LPP: variants seen among roughly 807,000 people sequenced by gnomAD.
The protein encoded by LPP is LIM domain containing preferred translocation partner in lipoma, also known as lipoma-preferred partner.
In LPP, 38 loss-of-function variants were observed where a neutral mutation model predicts 60.4. That is an observed-to-expected ratio of 0.63 (90% CI 0.49 to 0.83). LPP has a LOEUF of 0.83. Ranked by LOEUF, LPP falls within the 40% of genes least tolerant of loss-of-function variation. The probability of loss-of-function intolerance (pLI) is 0.00; values close to 1 mark genes in which losing one functional copy is unlikely to be tolerated. For missense variants in LPP, 902 were observed against 783.6 expected (o/e 1.15, Z -1.80); for synonymous variants, 328 against 290.8 (o/e 1.13, Z -1.30).
chr3:188,806,531 C>T (rs550632173), intron 9 of LPP, among the ~76,000 whole-genome samples: 1 of 151,896 alleles, frequency 6.6e-6, no homozygotes, highest in African/African-American at 2.4e-5. Context: ...TGTGTTTACA[C>T]TATTTACATT....
At chr3:188,633,559 A>C (rs1233634125) in intron 7 of LPP, among the ~76,000 whole-genome samples, 1 of 152,168 alleles carries the variant, frequency 6.6e-6, no homozygotes, top group Non-Finnish European at 1.5e-5. Flanking sequence ...GAACACGCTC[A>C]TCTTTTCTTC....
chr3:188,349,863 GAATGAT>G (rs1185760642), intron 3 of LPP, among the ~76,000 whole-genome samples: 1 of 152,216 alleles, frequency 6.6e-6, no homozygotes, highest in African/African-American at 2.4e-5. Flanking sequence ...TGTAAAACTG[GAATGAT>G]AATACCAGTG....
At chr3:188,799,492 T>A (rs1310596806) in intron 9 of LPP, among the ~76,000 whole-genome samples, 1 of 152,224 alleles carries the variant, frequency 6.6e-6, no homozygotes, top group Non-Finnish European at 1.5e-5. Flanking sequence ...TCCTATGTCC[T>A]CCTTGCCCTG....
At chr3:188,419,165 A>G (rs541118508) in intron 4 of LPP, among the ~76,000 whole-genome samples, 5 of 152,302 alleles carry the variant, frequency 3.3e-5, no homozygotes, top group African/African-American at 9.6e-5. Context: ...ACTGTTTTAT[A>G]TCTTGACATC....
At chr3:188,164,626 C>T (rs1416466899) in intron 1 of LPP, among the ~76,000 whole-genome samples, 1 of 152,136 alleles carries the variant, frequency 6.6e-6, no homozygotes, top group Non-Finnish European at 1.5e-5. Context: ...TCTGCCCTGG[C>T]CAGGCAGGTA....
chr3:188,736,032 C>T (rs75997260), intron 8 of LPP, among the ~76,000 whole-genome samples: 3 of 152,056 alleles, frequency 2.0e-5, no homozygotes, highest in African/African-American at 7.2e-5. Flanking sequence ...TGTGGCTCAT[C>T]AAAAAAGTAG....
At chr3:188,716,147 G>T (rs1713901498) in intron 8 of LPP, among the ~76,000 whole-genome samples, 1 of 152,168 alleles carries the variant, frequency 6.6e-6, no homozygotes, top group African/African-American at 2.4e-5. Context: ...ATTGTTAGTA[G>T]GAGTTTTTGA....
rs993943082 is a variant in LPP, at chr3:188,880,203, T to C, written c.*5724T>C. The stretch of plus-strand genomic sequence containing the variant: ...CTGCCACCACGCCCGGCTAATTTTT[T>C]TGTATTTTTAGTAGAGATGGAGTTT... On this transcript the variant is annotated 3_prime_UTR_variant, in exon 12 of 12. Coordinates refer to ENST00000617246, the MANE Select transcript of LPP (RefSeq NM_001375462.1). 6.2e-6 allele frequency: 1 copy of C among 161,764 alleles called. No homozygotes were observed. The highest frequency in any genetic ancestry group is 2.4e-5 in the African/African-American group (1 of 41,702). 10.0% of individuals were successfully genotyped at this position (161,764 alleles called of 1,614,324 possible). A position where few individuals can be genotyped will look rare whatever the true frequency, so the allele number is the denominator to read the frequency against.
chr3:188,359,407 T>C (rs1768583872), intron 3 of LPP, among the ~76,000 whole-genome samples: 1 of 152,184 alleles, frequency 6.6e-6, no homozygotes. Context: ...ACAAGAACTC[T>C]AGCTGGCTGC....
At chr3:188,487,092 T>C (rs566779670) in intron 5 of LPP, among the ~76,000 whole-genome samples, 1 of 152,354 alleles carries the variant, frequency 6.6e-6, no homozygotes, top group South Asian at 2.1e-4. Context: ...TTATTTGAAG[T>C]AGTGACAGAA....
intron 6 of LPP, among the ~76,000 whole-genome samples, chr3:188,537,265 G>A (rs973599319): frequency 1.3e-5 from 2 of 151,838 alleles, no homozygotes; most frequent in Non-Finnish European, 2.9e-5. Context: ...AGTGCCTTCT[G>A]AAGGAAGAGT....
chr3:188,776,534 G>A (rs1014887303), intron 9 of LPP, among the ~76,000 whole-genome samples: 2 of 152,110 alleles, frequency 1.3e-5, no homozygotes, highest in Non-Finnish European at 2.9e-5. Context: ...GTATCAAATA[G>A]TCTTAGACTC....
intron 4 of LPP, among the ~76,000 whole-genome samples, chr3:188,479,724 G>A (rs1804228976): frequency 6.6e-6 from 1 of 152,130 alleles, no homozygotes. Flanking sequence ...CTGTATATGA[G>A]ACGCAAAAAG....
chr3:188,168,680 C>T (rs1315171665), intron 1 of LPP, among the ~76,000 whole-genome samples: 1 of 152,126 alleles, frequency 6.6e-6, no homozygotes, highest in African/African-American at 2.4e-5. Flanking sequence ...ATAAAATAGA[C>T]AATTTAGATT....
chr3:188,756,810 G>A (rs1344811682), intron 8 of LPP, among the ~76,000 whole-genome samples: 2 of 152,142 alleles, frequency 1.3e-5, no homozygotes, highest in African/African-American at 4.8e-5. Context: ...AGCAAAACTG[G>A]CCTGTGTCTG....
intron 7 of LPP, among the ~76,000 whole-genome samples, chr3:188,654,379 T>C (rs1486702558): frequency 6.6e-6 from 1 of 152,116 alleles, no homozygotes; most frequent in Admixed American, 6.5e-5. Context: ...GACAGGGAGA[T>C]AGAACATTCT....
At chr3:188,290,595 G>T (rs567356085) in intron 2 of LPP, among the ~76,000 whole-genome samples, 1 of 151,768 alleles carries the variant, frequency 6.6e-6, no homozygotes, top group African/African-American at 2.4e-5. Flanking sequence ...CATGTTCCCG[G>T]CCTCTTCACT....
intron 8 of LPP, among the ~76,000 whole-genome samples, chr3:188,733,616 CTTG>C (rs891918588): frequency 3.9e-5 from 6 of 152,026 alleles, no homozygotes; most frequent in Non-Finnish European, 7.4e-5. Flanking sequence ...AATCTTTTTG[CTTG>C]TTGTTGTTGA....
At chr3:188,229,000 A>G (rs1718863732) in intron 2 of LPP, among the ~76,000 whole-genome samples, 1 of 152,224 alleles carries the variant, frequency 6.6e-6, no homozygotes, top group Non-Finnish European at 1.5e-5. Context: ...GGAACATTAG[A>G]CATGCTCAGC....
Sources: gnomAD v4.1 joint callset for allele counts (sites outside exome capture counted in the v4.1 genomes callset) on GRCh38, gnomAD v4.1.1 for gene constraint, MANE v1.5 for transcripts, NCBI Gene and HGNC (gene_info 2026-07-23, HGNC 2026-07-21) for gene names.